The following KCNIP3 variants were observed in gnomAD, a reference collection of about 807,000 sequenced individuals.
The protein encoded by KCNIP3 is calsenilin.
In KCNIP3, 28 loss-of-function variants were observed where a neutral mutation model predicts 35.0. That is an observed-to-expected ratio of 0.80 (90% CI 0.59 to 1.10). The LOEUF (loss-of-function observed/expected upper bound fraction) is 1.10, where lower values mean the gene tolerates loss of function less well. KCNIP3 is among the 50% of genes least tolerant of loss of function. KCNIP3 has a pLI of 0.00. For missense variants in KCNIP3, 295 were observed against 338.4 expected, an observed-to-expected ratio of 0.87 and a Z score of 1.01; for synonymous variants, 134 against 133.8, an observed-to-expected ratio of 1.00 and a Z score of -0.01.
chr2:95,345,581 T>C (rs1679329884), intron 2 of KCNIP3, among the ~76,000 whole-genome samples: 1 of 152,258 alleles, frequency 6.6e-6, no homozygotes, highest in African/African-American at 2.4e-5. Flanking sequence ...CTCGCGCTTA[T>C]AGGCGTGGAG....
chr2:95,320,651 C>T (rs988173213), intron 2 of KCNIP3, among the ~76,000 whole-genome samples: 5 of 152,118 alleles, frequency 3.3e-5, no homozygotes, highest in African/African-American at 9.7e-5. Flanking sequence ...GTTCACTGTC[C>T]TCACCCTGGC....
chr2:95,319,977 C>T (rs917963641), intron 2 of KCNIP3, among the ~76,000 whole-genome samples: 10 of 152,184 alleles, frequency 6.6e-5, no homozygotes, highest in Non-Finnish European at 1.0e-4. Flanking sequence ...GCCCGGGGCC[C>T]CAGGTGCCTC....
At chr2:95,340,287 G>A (rs1679164432) in intron 2 of KCNIP3, among the ~76,000 whole-genome samples, 1 of 152,222 alleles carries the variant, frequency 6.6e-6, no homozygotes, top group African/African-American at 2.4e-5. Flanking sequence ...AGTGAGCTGA[G>A]ATGGTGCCAT....
chr2:95,383,208 C>T, intron 7 of KCNIP3, 24 bp from the exon 8 acceptor site: 4 of 1,590,114 alleles, frequency 2.5e-6, no homozygotes, highest in Non-Finnish European at 3.4e-6. Context: ...CACAGACTCA[C>T]TTTGGGCATG....
In KCNIP3 at chr2:95,324,986, G is replaced by A. The variant is rs531225729; in HGVS notation, c.181+14466G>A. 1.9e-3 allele frequency among the ~76,000 whole-genome samples: 296 copies of A among 152,322 alleles called. 1 individual carries two copies. Among genetic ancestry groups the A allele is most frequent in the Non-Finnish European group, 3.3e-3 (224 of 68,026 alleles). ...GGAAATGCAAAAAGCCCAGGACCAC[G>A]GTGACAAACCCCTGGCTGGCTGAGG... On this transcript the variant is annotated intron_variant, in intron 2 of 8. Coordinates refer to ENST00000295225, the MANE Select transcript of KCNIP3 (RefSeq NM_013434.5).
intron 1 of KCNIP3, among the ~76,000 whole-genome samples, chr2:95,302,797 C>T (rs1419439746): frequency 6.6e-6 from 1 of 152,210 alleles, no homozygotes; most frequent in Non-Finnish European, 1.5e-5. Context: ...ATCACATCCA[C>T]CTGCCTTCGA....
intron 2 of KCNIP3, among the ~76,000 whole-genome samples, chr2:95,318,705 G>T (rs1429597594): frequency 6.6e-6 from 1 of 152,246 alleles, no homozygotes; most frequent in Admixed American, 6.5e-5. Flanking sequence ...GGGGGACCTG[G>T]CATTTGCTGG....
At chr2:95,352,666 C>A (rs1465370085) in intron 2 of KCNIP3, among the ~76,000 whole-genome samples, 1 of 152,160 alleles carries the variant, frequency 6.6e-6, no homozygotes, top group East Asian at 1.9e-4. Context: ...TGCCCTCCCT[C>A]CCCTGCCATT....
intron 2 of KCNIP3, among the ~76,000 whole-genome samples, chr2:95,355,641 C>T (rs1416554978): frequency 6.6e-6 from 1 of 152,120 alleles, no homozygotes; most frequent in African/African-American, 2.4e-5. Flanking sequence ...CGATGGTTTC[C>T]AGCTTCATCC....
Position 95,377,179 on chromosome 2 carries a change from C to A in KCNIP3, c.447+1971C>A, listed in dbSNP as rs1245981439. Among the ~76,000 whole-genome samples, 3 of 152,238 alleles carry A rather than the reference C, an allele frequency of 2.0e-5. No individual in the cohort carries two copies. The highest frequency in any genetic ancestry group is 7.2e-5 in the African/African-American group (3 of 41,468). On this transcript the variant is annotated intron_variant, in intron 5 of 8. Coordinates refer to ENST00000295225, the MANE Select transcript of KCNIP3 (RefSeq NM_013434.5). The surrounding 1 kb of genome is among the most constrained non-coding windows in gnomAD (Gnocchi z 4.7). ...GAACGCTCTGGCCACCAGGGCCTTT[C>A]TCGTGCAACTCATCTGGCTTGCCAG...
At chr2:95,325,610 C>T (rs551465604) in intron 2 of KCNIP3, among the ~76,000 whole-genome samples, 77 of 151,916 alleles carry the variant, frequency 5.1e-4, no homozygotes, top group African/African-American at 1.8e-3. Flanking sequence ...CACTCATACA[C>T]ACGTACACAC....
At chr2:95,366,757 A>G (rs1325255348) in intron 2 of KCNIP3, among the ~76,000 whole-genome samples, 2 of 152,118 alleles carry the variant, frequency 1.3e-5, no homozygotes, top group Non-Finnish European at 2.9e-5. Flanking sequence ...CTGAGGTTTC[A>G]ATTTGCATTT....
In KCNIP3 at chr2:95,322,827, A is replaced by C. The variant is rs540000040; in HGVS notation, c.181+12307A>C. Among the ~76,000 whole-genome samples the C allele has an allele frequency of 5.3e-5, 8 of 152,178 alleles. No homozygotes were observed. The South Asian group carries it at 1.7e-3, about 32-fold the overall frequency. On this transcript the variant is annotated intron_variant, in intron 2 of 8. Coordinates refer to ENST00000295225, the MANE Select transcript of KCNIP3 (RefSeq NM_013434.5). Reference sequence around the variant, plus strand: ...TGCCTTCAAAACACCACCCAACCCCAGCCCTTGGCAGCTCTCCCTGGCGCT... The same window carrying C: ...TGCCTTCAAAACACCACCCAACCCCCGCCCTTGGCAGCTCTCCCTGGCGCT...
intron 2 of KCNIP3, among the ~76,000 whole-genome samples, chr2:95,337,861 G>A (rs1029572928): frequency 6.6e-6 from 1 of 152,210 alleles, no homozygotes; most frequent in Non-Finnish European, 1.5e-5. Context: ...TCTCTGATAA[G>A]CAGGGTCAGA....
chr2:95,322,638 GT>G (rs1434834611), intron 2 of KCNIP3, among the ~76,000 whole-genome samples: 2 of 152,232 alleles, frequency 1.3e-5, no homozygotes, highest in Non-Finnish European at 2.9e-5. Flanking sequence ...AAGGCCCTGA[GT>G]TGGGGCCTCG....
chr2:95,381,074 T>C lies in KCNIP3; in HGVS notation c.448-522T>C, dbSNP rs532954651. Among the ~76,000 whole-genome samples, 363 of 152,312 alleles carry C rather than the reference T, an allele frequency of 2.4e-3. 4 individuals carry two copies. Among genetic ancestry groups the C allele is most frequent in the Middle Eastern group, 0.01 (3 of 294 alleles). The stretch of plus-strand genomic sequence containing the variant: ...TGGAAGTTTTCAAGCACCTTTGCCA[T>C]GCAGATGCTTGGCAGAATAAACATA... On this transcript the variant is annotated intron_variant, in intron 5 of 8. Coordinates refer to ENST00000295225, the MANE Select transcript of KCNIP3 (RefSeq NM_013434.5).
At chr2:95,346,877 C>A in intron 2 of KCNIP3, 1 of 330,892 alleles carries the variant, frequency 3.0e-6, no homozygotes, top group Admixed American at 5.2e-5. Flanking sequence ...CCCAGCCAAC[C>A]CAGCAGCCCC....
intron 2 of KCNIP3, among the ~76,000 whole-genome samples, chr2:95,315,589 T>C (rs1678434352): frequency 1.3e-5 from 2 of 152,200 alleles, no homozygotes; most frequent in Admixed American, 1.3e-4. Flanking sequence ...TGTAAACCTG[T>C]GCCTTCGGCC....
chr2:95,383,214 GC>G lies in KCNIP3; in HGVS notation c.661-17del, dbSNP rs745347159. 6.2e-7 allele frequency: 1 copy of G among 1,613,076 alleles called. No homozygotes were observed. Among genetic ancestry groups the G allele is most frequent in the Non-Finnish European group, 8.5e-7 (1 of 1,179,432 alleles). On this transcript the variant is annotated splice_polypyrimidine_tract_variant and intron_variant, in intron 7 of 8. Transcript: ENST00000295225. ...CTGCTGGGGCACAGACTCACTTTGG[GC>G]ATGGCTTGGGTTGCAGAAAATGGAC...
Sources: allele counts gnomAD v4.1 joint callset (sites outside exome capture counted in the v4.1 genomes callset), GRCh38; gene constraint gnomAD v4.1.1; non-coding constraint Gnocchi (gnomAD v3.1); transcripts MANE v1.5; gene names NCBI Gene and HGNC (gene_info 2026-07-23, HGNC 2026-07-21).